Variants in RAD51B observed in about 807,000 individuals in gnomAD.
RAD51B encodes the protein RAD51 paralog B, also known as DNA repair protein RAD51 homolog 2.
In RAD51B, 38 loss-of-function variants were observed where a neutral mutation model predicts 42.2. The observed-to-expected ratio is 0.90, with a 90% CI of 0.70 to 1.18. The LOEUF (loss-of-function observed/expected upper bound fraction) is 1.18. RAD51B is among the 50% of genes most tolerant of loss of function. The probability of loss-of-function intolerance (pLI) is 0.00; values close to 1 mark genes in which losing one functional copy is unlikely to be tolerated. For missense variants in RAD51B, 373 were observed against 400.7 expected (o/e 0.93, Z 0.59); for synonymous variants, 154 against 145.2 (o/e 1.06, Z -0.43).
chr14:67,866,484 A>G (rs1218114654), intron 5 of RAD51B, among the ~76,000 whole-genome samples: 1 of 152,228 alleles, frequency 6.6e-6, no homozygotes, highest in Non-Finnish European at 1.5e-5. Context: ...GGTCCTGGGG[A>G]ATTTGGGTAA....
chr14:67,913,753 T>G (rs1019438821), intron 7 of RAD51B, among the ~76,000 whole-genome samples: 1 of 152,172 alleles, frequency 6.6e-6, no homozygotes, highest in Admixed American at 6.5e-5. Flanking sequence ...TCAAGGTAAG[T>G]AGGGTATCTG....
At chr14:68,091,036 A>AT (rs1007865579) in intron 7 of RAD51B, among the ~76,000 whole-genome samples, 2 of 151,708 alleles carry the variant, frequency 1.3e-5, no homozygotes, top group African/African-American at 4.8e-5. Flanking sequence ...TGAACTCATC[A>AT]TTTTTTATGG....
At chr14:68,639,850 C>T (rs955257012) in intron 10 of RAD51B, among the ~76,000 whole-genome samples, 7 of 152,004 alleles carry the variant, frequency 4.6e-5, no homozygotes, top group East Asian at 1.9e-4. Flanking sequence ...AGTGCAGTGG[C>T]GCAATCTCGG....
chr14:68,654,942 C>A (rs963919813), intron 11 of RAD51B, among the ~76,000 whole-genome samples: 1 of 152,120 alleles, frequency 6.6e-6, no homozygotes, highest in Non-Finnish European at 1.5e-5. Context: ...CCAGCTCCCT[C>A]CCCCCCTGCC....
intron 7 of RAD51B, among the ~76,000 whole-genome samples, chr14:68,243,647 C>T (rs565906563): frequency 6.6e-6 from 1 of 152,282 alleles, no homozygotes; most frequent in Non-Finnish European, 1.5e-5. Flanking sequence ...GTACACATTC[C>T]AGGCCCCATG....
intron 10 of RAD51B, among the ~76,000 whole-genome samples, chr14:68,548,930 G>C (rs1218765448): frequency 1.3e-5 from 2 of 152,128 alleles, no homozygotes; most frequent in East Asian, 1.9e-4. Context: ...GCACTCACAG[G>C]GTTGTCAGCA....
intron 7 of RAD51B, among the ~76,000 whole-genome samples, chr14:67,891,727 G>T (rs2043225429): frequency 2.6e-5 from 4 of 151,712 alleles, no homozygotes; most frequent in African/African-American, 9.7e-5. Context: ...ATTATACCTT[G>T]TCTTAGATAC....
At chr14:68,599,521 A>G (rs1891136157), downstream of RAD51B, among the ~76,000 whole-genome samples, 1 of 152,084 alleles carries the variant, frequency 6.6e-6, no homozygotes, top group Admixed American at 6.5e-5. Context: ...ACTTAATCCT[A>G]CTCTCTTCAA....
intron 10 of RAD51B, among the ~76,000 whole-genome samples, chr14:68,513,365 A>T (rs542195368): frequency 6.6e-6 from 1 of 152,308 alleles, no homozygotes; most frequent in East Asian, 1.9e-4. Flanking sequence ...AATTAGTGTT[A>T]AGCCCAGAAA....
intron 11 of RAD51B, among the ~76,000 whole-genome samples, chr14:68,661,509 C>T (rs571416150): frequency 6.6e-6 from 1 of 152,322 alleles, no homozygotes; most frequent in South Asian, 2.1e-4. Flanking sequence ...CTGGTTCCTT[C>T]TGTGATGCTG....
chr14:68,354,016 C>T (rs1300770784), intron 8 of RAD51B, among the ~76,000 whole-genome samples: 1 of 152,140 alleles, frequency 6.6e-6, no homozygotes, highest in African/African-American at 2.4e-5. Context: ...ATCACCACTT[C>T]CATGAAACAA....
chr14:68,269,011 C>T (rs1008349124), intron 7 of RAD51B, among the ~76,000 whole-genome samples: 2 of 152,176 alleles, frequency 1.3e-5, no homozygotes, highest in African/African-American at 2.4e-5. Flanking sequence ...GAAGATGGGC[C>T]CCCCTGCCAG....
At chr14:68,079,813 A>G (rs989499977) in intron 7 of RAD51B, among the ~76,000 whole-genome samples, 1 of 152,340 alleles carries the variant, frequency 6.6e-6, no homozygotes, top group African/African-American at 2.4e-5. Context: ...TTCAAGAAAG[A>G]TTTAAGGTGG....
chr14:68,283,146 C>T (rs1204822833), intron 7 of RAD51B, among the ~76,000 whole-genome samples: 1 of 152,200 alleles, frequency 6.6e-6, no homozygotes, highest in East Asian at 1.9e-4. Flanking sequence ...TCTAATCCTC[C>T]TTGTAAATCA....
intron 7 of RAD51B, among the ~76,000 whole-genome samples, chr14:68,084,815 T>C (rs1720034312): frequency 6.6e-6 from 1 of 152,210 alleles, no homozygotes; most frequent in East Asian, 1.9e-4. Flanking sequence ...TACTGATGAC[T>C]TGTACGCTGC....
intron 10 of RAD51B, among the ~76,000 whole-genome samples, chr14:68,606,029 G>T (rs563664588): frequency 2.6e-5 from 4 of 152,320 alleles, no homozygotes; most frequent in Admixed American, 2.0e-4. Context: ...AGCGGAAGCT[G>T]CACTTGAGAA....
chr14:68,359,567 G>T (rs1414404001), intron 8 of RAD51B, among the ~76,000 whole-genome samples: 1 of 152,194 alleles, frequency 6.6e-6, no homozygotes, highest in Non-Finnish European at 1.5e-5. Flanking sequence ...TGGGCAGCCA[G>T]ACCAGATCAG....
At chr14:68,648,899 T>C (rs1892641648) in intron 10 of RAD51B, among the ~76,000 whole-genome samples, 1 of 152,146 alleles carries the variant, frequency 6.6e-6, no homozygotes, top group Non-Finnish European at 1.5e-5. Context: ...GAAACAGATC[T>C]ACATGTCAGT....
chr14:68,169,726 G>A (rs1028519916), intron 7 of RAD51B, among the ~76,000 whole-genome samples: 3 of 152,090 alleles, frequency 2.0e-5, no homozygotes, highest in Admixed American at 2.0e-4. Flanking sequence ...TTGCAAGGTA[G>A]CCATGATGGG....
Sources: allele counts gnomAD v4.1 joint callset (sites outside exome capture counted in the v4.1 genomes callset), GRCh38; gene constraint gnomAD v4.1.1; transcripts MANE v1.5; gene names NCBI Gene and HGNC (gene_info 2026-07-23, HGNC 2026-07-21).